The following MNX1 variants were observed in gnomAD, a reference collection of about 807,000 sequenced individuals.
The protein encoded by MNX1 is motor neuron and pancreas homeobox 1, also known as motor neuron and pancreas homeobox protein 1.
A neutral mutation model predicts 17.3 loss-of-function variants in MNX1; 2 were observed. The observed-to-expected ratio is 0.12, with a 90% CI of 0.05 to 0.36. MNX1 has a LOEUF of 0.36. Ranked by LOEUF, MNX1 falls within the 10% of genes least tolerant of loss-of-function variation. The probability of loss-of-function intolerance (pLI) is 1.00; values close to 1 mark genes in which losing one functional copy is unlikely to be tolerated. For missense variants in MNX1, 556 were observed against 564.7 expected (o/e 0.98, Z 0.16); for synonymous variants, 306 against 283.1 (o/e 1.08, Z -0.81).
rs750272964 is a variant in MNX1 at position 157,009,688 on chromosome 7, C to T, written c.663G>A (p.Met221Ile). 6.2e-7 allele frequency: 1 copy of T among 1,608,978 alleles called. No homozygotes were observed. The highest frequency in any genetic ancestry group is 8.5e-7 in the Non-Finnish European group (1 of 1,179,076). ...TGAAGTCGGGCATCTTAGGCAGGAT[C>T]ATGCCCGCGGTGGACGCGCGCAGCC... is the stretch of plus-strand genomic sequence containing the variant. ...DQWLRASTAG[M>I]ILPKMPDFNS... Residue 221 changes from methionine to isoleucine, a missense_variant, in exon 1 of 3, where the codon ATG becomes ATA. Physicochemically the swap from Met to Ile is conservative, Grantham distance 10. This residue lies in a region of MNX1 where 210 missense variants were observed against 211.3 expected (regional missense o/e 0.99). Transcript: ENST00000252971.
chr7:157,006,329 C>G lies in MNX1; in HGVS notation c.852+150G>C. On this transcript the variant is annotated intron_variant, in intron 2 of 2. Transcript: ENST00000252971. This position sits in a 1 kb window ranked among gnomAD's most constrained non-coding sequence, Gnocchi z 6.3. ...CCCACCCGAAGCTACTGAATCGGCG[C>G]TCTGGGCACCTTAGATGAACCCGTG... 1.2e-6 allele frequency: 1 copy of G among 832,786 alleles called. No homozygotes were observed. Among genetic ancestry groups the G allele is most frequent in the Non-Finnish European group, 1.8e-6 (1 of 546,948 alleles). The allele number at this position is 832,786 out of a possible 1,614,324, so 51.6% of individuals were successfully genotyped here.
At position 157,009,891 on chromosome 7, in the gene MNX1, C is replaced by T; in HGVS notation, c.460G>A (p.Ala154Thr). The T allele has an allele frequency of 7.1e-7, 1 of 1,401,378 alleles. No homozygotes were observed. Among genetic ancestry groups the T allele is most frequent in the South Asian group, 1.5e-5 (1 of 68,230 alleles). 86.8% of individuals were successfully genotyped at this position (1,401,378 alleles called of 1,614,324 possible). A position where few individuals can be genotyped will look rare whatever the true frequency, so the allele number is the denominator to read the frequency against. ...GGAQGGAGLPAQAALYGHPVY... is the reference protein window; with the variant it reads ...GGAQGGAGLPTQAALYGHPVY... ...GGGTGGCCGTAGAGCGCCGCCTGCG[C>T]CGGGAGGCCCGCGCCGCCCTGCGCG... The change falls in exon 1 of 3, where the codon GCG becomes ACG. Residue 154 changes from alanine (A) to threonine (T), a missense_variant. Physicochemically the swap from Ala to Thr is moderately conservative, Grantham distance 58 (BLOSUM62 0). Transcript: ENST00000252971.
intron 1 of MNX1, chr7:157,009,034 C>A (rs931127399): frequency 6.5e-7 from 1 of 1,536,984 alleles, no homozygotes; most frequent in African/African-American, 1.4e-5. Context: ...CAGGCACCTA[C>A]TGTTGAGAGT....
In MNX1 at chr7:157,009,964, G is replaced by A. The variant is rs1805680218; in HGVS notation, c.387C>T (p.Ala129=). ...PGAAAAAAAA[A]AAAAAGGLAL... ...CCAGGCCCCCAGCGGCGGCGGCGGC[G>A]GCGGCGGCGGCGGCAGCGGCCGCTG... is the stretch of plus-strand genomic sequence containing the variant. The change falls in exon 1 of 3, where the codon GCC becomes GCT. Residue 129 remains alanine, a synonymous_variant. Transcript: ENST00000252971. 1 of 973,766 alleles carries A rather than the reference G, an allele frequency of 1.0e-6. No individual in the cohort carries two copies. The highest frequency in any genetic ancestry group is 5.3e-4 in the Middle Eastern group (1 of 1,898). 60.3% of individuals were successfully genotyped at this position (973,766 alleles called of 1,614,324 possible). A position where few individuals can be genotyped will look rare whatever the true frequency, so the allele number is the denominator to read the frequency against.
Position 157,005,885 on chromosome 7 carries a change from AGCG to A in MNX1, c.853-15_853-13del. Reference sequence around the variant, plus strand: ...AACCAAATCTTCACCTGCGGGCACAAGCGGGCGTGAGAAACCGGCCACCGCCAC... The same window carrying A: ...AACCAAATCTTCACCTGCGGGCACAAGGCGTGAGAAACCGGCCACCGCCAC... On this transcript the variant is annotated splice_polypyrimidine_tract_variant and intron_variant, in intron 2 of 2. Coordinates refer to ENST00000252971, the MANE Select transcript of MNX1 (RefSeq NM_005515.4). The A allele has an allele frequency of 6.2e-7, 1 of 1,610,336 alleles. No homozygotes were observed. The highest frequency in any genetic ancestry group is 8.5e-7 in the Non-Finnish European group (1 of 1,179,772).
rs753775463 is a variant in MNX1, at chr7:157,009,810, C to T, written c.541G>A (p.Ala181Thr). 1.4e-5 allele frequency: 22 copies of T among 1,541,684 alleles called. No homozygotes were observed. Among genetic ancestry groups the T allele is most frequent in the Middle Eastern group, 2.3e-4 (1 of 4,376 alleles). Reference sequence around the variant, plus strand: ...ACCTGCGGGTACGAGTAGGAGAGCGCCGGGTGCTGGCCCGCCAGCGCAGCC... The same window carrying T: ...ACCTGCGGGTACGAGTAGGAGAGCGTCGGGTGCTGGCCCGCCAGCGCAGCC... ...AAAALAGQHP[A>T]LSYSYPQVQG... Residue 181 changes from alanine to threonine, a missense_variant, in exon 1 of 3, where the codon GCG (alanine) becomes ACG (threonine). Physicochemically the swap from Ala to Thr is moderately conservative, Grantham distance 58. Around this residue, in one of 7 missense-constraint regions of MNX1, gnomAD observed 210 missense variants for 211.3 expected, o/e 0.99. Coordinates refer to ENST00000252971, the MANE Select transcript of MNX1 (RefSeq NM_005515.4).
chr7:157,006,249 G>C lies in MNX1; in HGVS notation c.852+230C>G. The C allele has an allele frequency of 1.7e-6, 1 of 593,560 alleles. No homozygotes were observed. The highest frequency in any genetic ancestry group is 3.0e-6 in the Non-Finnish European group (1 of 336,558). 36.8% of individuals were successfully genotyped at this position (593,560 alleles called of 1,614,324 possible). A position where few individuals can be genotyped will look rare whatever the true frequency, so the allele number is the denominator to read the frequency against. On this transcript the variant is annotated intron_variant, in intron 2 of 2. Transcript: ENST00000252971. The surrounding 1 kb of genome is among the most constrained non-coding windows in gnomAD (Gnocchi z 6.3). ...GAACAAAATTTCTCGAATGCGGCCT[G>C]GGGATCACCTTCTTCAGAATGAAAG... is the stretch of plus-strand genomic sequence containing the variant.
chr7:157,009,163 T>TG, intron 1 of MNX1: 1 of 1,494,592 alleles, frequency 6.7e-7, no homozygotes, highest in Non-Finnish European at 8.9e-7. Flanking sequence ...GCCTTGGCCT[T>TG]GCCTCCCCGG....
chr7:157,010,352 G>A lies in MNX1; in HGVS notation c.-2C>T, dbSNP rs775288793. ...GCGGAAATTTTTGGATTTTTCCATC[G>A]GCTCGTTTGGGGCTGGCGCTCAGGG... On this transcript the variant is annotated 5_prime_UTR_variant, in exon 1 of 3. Coordinates refer to ENST00000252971, the MANE Select transcript of MNX1 (RefSeq NM_005515.4). The A allele has an allele frequency of 1.3e-6, 2 of 1,574,286 alleles. No individual in the cohort carries two copies. The highest frequency in any genetic ancestry group is 8.6e-7 in the Non-Finnish European group (1 of 1,161,020).
rs1420609103 is a variant in MNX1, at chr7:157,010,026, C to T, written c.325G>A (p.Gly109Arg). The stretch of plus-strand genomic sequence containing the variant: ...GCGTGGTGGTGGGGCCCCCCGTGCC[C>T]GCCGCCCGTGCCGCCGCCGCCGCCG... ...AGGGGGGTGG[G>R]HGGPHHHAHP... The change falls in exon 1 of 3, where the codon GGG (glycine) becomes AGG (arginine). Residue 109 changes from glycine (G) to arginine (R), a missense_variant. Transcript: ENST00000252971. 40 of 995,698 alleles carry T rather than the reference C, an allele frequency of 4.0e-5. No homozygotes were observed. The highest frequency in any genetic ancestry group is 4.6e-5 in the Non-Finnish European group (39 of 839,544). The allele number at this position is 995,698 out of a possible 1,614,324, so 61.7% of individuals were successfully genotyped here. A position where few individuals can be genotyped will look rare whatever the true frequency, so the allele number is the denominator to read the frequency against.
chr7:157,009,308 T>C (rs975362600), intron 1 of MNX1: 1 of 1,411,598 alleles, frequency 7.1e-7, no homozygotes, highest in African/African-American at 1.5e-5. Context: ...CTGACCCCCA[T>C]TCCCGGGCCT....
chr7:157,010,130 C>T lies in MNX1; in HGVS notation c.221G>A (p.Arg74His). 2 of 1,019,678 alleles carry T rather than the reference C, an allele frequency of 2.0e-6. No individual in the cohort carries two copies. The highest frequency in any genetic ancestry group is 1.2e-6 in the Non-Finnish European group (1 of 854,478). The allele number at this position is 1,019,678 out of a possible 1,614,324, so 63.2% of individuals were successfully genotyped here. ...EPPAAPADRLRAESPSPPRLL... is the reference protein window; with the variant it reads ...EPPAAPADRLHAESPSPPRLL... ...GCGCGGCGGCGACGGGCTCTCGGCG[C>T]GCAGGCGGTCGGCGGGCGCAGCCGG... is the stretch of plus-strand genomic sequence containing the variant. Residue 74 changes from arginine (R) to histidine (H), a missense_variant, in exon 1 of 3, where the codon CGC becomes CAC. Physicochemically the swap from Arg to His is conservative, Grantham distance 29 (BLOSUM62 0). Transcript: ENST00000252971.
In MNX1 at chr7:157,006,905, G is replaced by A. The variant is rs1439844258; in HGVS notation, c.692-266C>T. Reference sequence around the variant, plus strand: ...ACGTCTGAGTGTCCCTGTTAAACAGGGCCCATCGCAGGAGGCTTCCTCTCC... The same window carrying A: ...ACGTCTGAGTGTCCCTGTTAAACAGAGCCCATCGCAGGAGGCTTCCTCTCC... On this transcript the variant is annotated intron_variant, in intron 1 of 2. Transcript: ENST00000252971. This position sits in a 1 kb window ranked among gnomAD's most constrained non-coding sequence, Gnocchi z 6.3. 37 of 301,744 alleles carry A rather than the reference G, an allele frequency of 1.2e-4. 1 individual carries two copies. Among genetic ancestry groups the A allele is most frequent in the Non-Finnish European group, 1.9e-4 (33 of 169,558 alleles). The allele number at this position is 301,744 out of a possible 1,614,324, so 18.7% of individuals were successfully genotyped here. A position where few individuals can be genotyped will look rare whatever the true frequency, so the allele number is the denominator to read the frequency against.
chr7:157,009,462 G>C, intron 1 of MNX1, 198 bp downstream of exon 1: 1 of 1,434,374 alleles, frequency 7.0e-7, no homozygotes, highest in South Asian at 1.5e-5. Flanking sequence ...CCTGCGCATG[G>C]CCATTTTAAT....
rs1805593931 is a variant in MNX1, at chr7:157,006,150, C to T, written c.853-277G>A. The stretch of plus-strand genomic sequence containing the variant: ...CCGGGGACTTTTCTACCCGCGCCCT[C>T]CGTCTGCGGAGGAAGGGTCAGGGCA... On this transcript the variant is annotated intron_variant, in intron 2 of 2. Coordinates refer to ENST00000252971, the MANE Select transcript of MNX1 (RefSeq NM_005515.4). The surrounding 1 kb of genome is among the most constrained non-coding windows in gnomAD (Gnocchi z 6.3). Among the ~76,000 whole-genome samples the T allele has an allele frequency of 6.6e-6, 1 of 152,248 alleles. No individual in the cohort carries two copies. The highest frequency in any genetic ancestry group is 1.5e-5 in the Non-Finnish European group (1 of 68,046).
Position 157,010,639 on chromosome 7 carries a change from G to A in MNX1, c.-289C>T, listed in dbSNP as rs1805699559. ...TTTGCGCTGCAGCCCTCAGGCGACCGCGCGGAGGCCGCTGCCGCCGTGGTG... is the reference window on the plus strand; with the variant it reads ...TTTGCGCTGCAGCCCTCAGGCGACCACGCGGAGGCCGCTGCCGCCGTGGTG... On this transcript the variant is annotated 5_prime_UTR_variant, in exon 1 of 3. Transcript: ENST00000252971. 3 of 238,896 alleles carry A rather than the reference G, an allele frequency of 1.3e-5. No individual in the cohort carries two copies. Among genetic ancestry groups the A allele is most frequent in the Non-Finnish European group, 2.5e-5 (3 of 122,214 alleles). 14.8% of individuals were successfully genotyped at this position (238,896 alleles called of 1,614,324 possible). A position where few individuals can be genotyped will look rare whatever the true frequency, so the allele number is the denominator to read the frequency against.
chr7:157,007,297 G>GA (rs1805620558), intron 1 of MNX1, among the ~76,000 whole-genome samples: 2 of 151,130 alleles, frequency 1.3e-5, no homozygotes, highest in South Asian at 4.2e-4. Context: ...AGGAGAAAAA[G>GA]AGGAAGGAAG....
At position 157,010,005 on chromosome 7, in the gene MNX1, G is replaced by T. The variant is rs1294660747; in HGVS notation, c.346C>A (p.His116Asn). The change falls in exon 1 of 3, where the codon CAC becomes AAC. Residue 116 changes from histidine to asparagine, a missense_variant. Physicochemically the swap from His to Asn is moderately conservative, Grantham distance 68. Transcript: ENST00000252971. ...GCGGCCGCTGCGCCCGGATGCGCGT[G>T]GTGGTGGGGCCCCCCGTGCCCGCCG... ...TGGGHGGPHHHAHPGAAAAAA... is the reference protein window; with the variant it reads ...TGGGHGGPHHNAHPGAAAAAA... 1 of 976,054 alleles carries T rather than the reference G, an allele frequency of 1.0e-6. No individual in the cohort carries two copies. The highest frequency in any genetic ancestry group is 4.6e-5 in the South Asian group (1 of 21,514). The allele number at this position is 976,054 out of a possible 1,614,324, so 60.5% of individuals were successfully genotyped here.
chr7:157,009,593 C>T, intron 1 of MNX1, 67 bp downstream of exon 1: 2 of 1,568,956 alleles, frequency 1.3e-6, no homozygotes, highest in Non-Finnish European at 1.7e-6. Flanking sequence ...GAGGGGCAGG[C>T]GGTGCCGGTG....
Sources: allele counts gnomAD v4.1 joint callset (sites outside exome capture counted in the v4.1 genomes callset), GRCh38; gene constraint gnomAD v4.1.1; regional missense constraint gnomAD v4.1.1; non-coding constraint Gnocchi (gnomAD v3.1); transcripts MANE v1.5; gene names NCBI Gene and HGNC (gene_info 2026-07-23, HGNC 2026-07-21).